GRM5: variants seen among roughly 807,000 people sequenced by gnomAD.
GRM5 encodes glutamate metabotropic receptor 5.
A neutral mutation model predicts 83.1 loss-of-function variants in GRM5; 19 were observed. The ratio of observed to expected loss-of-function variants is 0.23; its 90% CI spans 0.16 to 0.34. The LOEUF (loss-of-function observed/expected upper bound fraction) is 0.34. Ranked by LOEUF, GRM5 falls within the 10% of genes least tolerant of loss-of-function variation. The pLI is 1.00. For synonymous variants in GRM5, 675 were observed against 633.6 expected, an observed-to-expected ratio of 1.07 and a Z score of -0.98; for missense variants, 1,160 against 1,588.3, an observed-to-expected ratio of 0.73 and a Z score of 4.58.
chr11:88,614,129 G>T (rs1482671557), intron 4 of GRM5, among the ~76,000 whole-genome samples: 1 of 152,110 alleles, frequency 6.6e-6, no homozygotes, highest in Admixed American at 6.6e-5. Flanking sequence ...GTTATAAAAG[G>T]TGGGTTTGAG....
chr11:88,572,432 T>C (rs754662308), intron 7 of GRM5, among the ~76,000 whole-genome samples: 63 of 152,166 alleles, frequency 4.1e-4, no homozygotes, highest in Non-Finnish European at 4.1e-4. Flanking sequence ...ATCAGTTCTG[T>C]TTTACTTTTT....
chr11:88,587,766 A>T (rs1943347767), intron 7 of GRM5, among the ~76,000 whole-genome samples: 1 of 152,140 alleles, frequency 6.6e-6, no homozygotes, highest in Non-Finnish European at 1.5e-5. Context: ...AACAAACACG[A>T]ATAGCTGAGT....
chr11:88,654,000 T>C (rs1018887679), intron 3 of GRM5, among the ~76,000 whole-genome samples: 1 of 152,084 alleles, frequency 6.6e-6, no homozygotes, highest in African/African-American at 2.4e-5. Context: ...CCATAGTCCA[T>C]ACACTATTTT....
intron 2 of GRM5, among the ~76,000 whole-genome samples, chr11:88,953,221 A>C (rs568737637): frequency 1.2e-4 from 18 of 152,214 alleles, no homozygotes; most frequent in Non-Finnish European, 2.4e-4. Flanking sequence ...AAGGATCAAG[A>C]CACAATTATC....
At chr11:88,621,476 T>A (rs573556135) in intron 4 of GRM5, among the ~76,000 whole-genome samples, 85 of 152,276 alleles carry the variant, frequency 5.6e-4, no homozygotes, top group Non-Finnish European at 1.0e-3. Context: ...AAATAATACT[T>A]TCTTTTAGAG....
chr11:89,065,907 G>C lies in GRM5; in HGVS notation c.-332C>G, dbSNP rs1942090351. On this transcript the variant is annotated 5_prime_UTR_variant, in exon 1 of 10. Transcript: ENST00000305447. Reference sequence around the variant, plus strand: ...AGGCAGCGGTGACAGCAGGCAGAACGGCTGCGGGGCCCGCGGCGGTGGCGC... The same window carrying C: ...AGGCAGCGGTGACAGCAGGCAGAACCGCTGCGGGGCCCGCGGCGGTGGCGC... 1 of 152,160 alleles carries C rather than the reference G, an allele frequency of 6.6e-6. No homozygotes were observed. The highest frequency in any genetic ancestry group is 1.5e-5 in the Non-Finnish European group (1 of 68,034). The allele number at this position is 152,160 out of a possible 1,614,324, so 9.4% of individuals were successfully genotyped here. A position where few individuals can be genotyped will look rare whatever the true frequency, so the allele number is the denominator to read the frequency against.
At chr11:88,941,880 T>C (rs1590983256) in intron 2 of GRM5, among the ~76,000 whole-genome samples, 3 of 152,154 alleles carry the variant, frequency 2.0e-5, no homozygotes, top group Middle Eastern at 3.4e-3. Context: ...CATTAGAAGA[T>C]AGGCCTTTCT....
intron 9 of GRM5, chr11:88,512,484 T>C (rs1941403977): frequency 1.3e-5 from 2 of 154,188 alleles, no homozygotes; most frequent in South Asian, 4.1e-4. Context: ...GTACATTCTA[T>C]GAAGACACAG....
At chr11:88,955,386 C>T (rs923855791) in intron 2 of GRM5, among the ~76,000 whole-genome samples, 7 of 152,116 alleles carry the variant, frequency 4.6e-5, no homozygotes, top group African/African-American at 4.8e-5. Flanking sequence ...ATGATGATTA[C>T]GTATGCCTTA....
At chr11:88,719,045 A>G (rs1310650989) in intron 3 of GRM5, among the ~76,000 whole-genome samples, 1 of 151,248 alleles carries the variant, frequency 6.6e-6, no homozygotes, top group African/African-American at 2.4e-5. Context: ...TCTCCTTAAC[A>G]TTTATTATCA....
rs552366117 is a variant in GRM5, at chr11:88,587,638, C to T, written c.1690+2963G>A. 1.4e-4 allele frequency among the ~76,000 whole-genome samples: 21 copies of T among 152,190 alleles called. No individual in the cohort carries two copies. In the South Asian group the frequency reaches 4.1e-3, roughly 30 times the overall value. The stretch of plus-strand genomic sequence containing the variant: ...CAGGAAGGTAACTCTCACCTTCCCC[C>T]CAGCATTCTCCCCTGAAGCAGGTCA... On this transcript the variant is annotated intron_variant, in intron 7 of 9. Transcript: ENST00000305447.
In GRM5 at chr11:88,525,265, T is replaced by C. The variant is rs199555843; in HGVS notation, c.2726+44A>G. On this transcript the variant is annotated intron_variant, in intron 9 of 9. Transcript: ENST00000305447. ...GAGCCACATGTTCCTCTAGCTTGCA[T>C]ACATTTATTTCACACCACCTCAGGC... 1.9e-5 allele frequency: 21 copies of C among 1,112,984 alleles called. 1 individual carries two copies. The South Asian group carries it at 2.7e-4, about 14-fold the overall frequency. 68.9% of individuals were successfully genotyped at this position (1,112,984 alleles called of 1,614,324 possible).
At chr11:88,686,106 C>T (rs1940616077) in intron 3 of GRM5, among the ~76,000 whole-genome samples, 1 of 152,116 alleles carries the variant, frequency 6.6e-6, no homozygotes, top group African/African-American at 2.4e-5. Flanking sequence ...CTGAAAGCAG[C>T]CAGGAGGGAG....
chr11:88,782,791 G>A (rs988018672), intron 3 of GRM5, among the ~76,000 whole-genome samples: 12 of 152,054 alleles, frequency 7.9e-5, no homozygotes, highest in South Asian at 4.2e-4. Flanking sequence ...CAAAGCTGAC[G>A]GGTTGTTGTT....
chr11:88,684,565 A>G (rs1192021340), intron 3 of GRM5, among the ~76,000 whole-genome samples: 1 of 152,234 alleles, frequency 6.6e-6, no homozygotes, highest in Non-Finnish European at 1.5e-5. Context: ...AAGGCATGGT[A>G]GAAACATAAC....
chr11:88,952,637 T>A (rs1004936963), intron 2 of GRM5, among the ~76,000 whole-genome samples: 83 of 151,804 alleles, frequency 5.5e-4, no homozygotes, highest in African/African-American at 1.9e-3. Flanking sequence ...CTTTTTTTTT[T>A]AATCCCCAGG....
At chr11:88,639,138 C>T (rs1000182620) in intron 4 of GRM5, among the ~76,000 whole-genome samples, 4 of 152,030 alleles carry the variant, frequency 2.6e-5, no homozygotes, top group Admixed American at 2.0e-4. Flanking sequence ...ATCTGAACTA[C>T]GTGTTTTTTC....
intron 3 of GRM5, among the ~76,000 whole-genome samples, chr11:88,762,893 C>T (rs1382332021): frequency 6.6e-6 from 1 of 151,864 alleles, no homozygotes; most frequent in Non-Finnish European, 1.5e-5. Flanking sequence ...GACTGGAGGT[C>T]ATTATCCTTA....
chr11:88,939,805 T>C (rs1938026650), intron 2 of GRM5, among the ~76,000 whole-genome samples: 1 of 151,828 alleles, frequency 6.6e-6, no homozygotes, highest in Non-Finnish European at 1.5e-5. Context: ...TAAAAAAAAC[T>C]TCTATTAAGA....
Sources: gnomAD v4.1 joint callset for allele counts (sites outside exome capture counted in the v4.1 genomes callset) on GRCh38, gnomAD v4.1.1 for gene constraint, MANE v1.5 for transcripts, NCBI Gene and HGNC (gene_info 2026-07-23, HGNC 2026-07-21) for gene names.